The following HTT variants were observed in gnomAD, a reference collection of about 807,000 sequenced individuals.
HTT encodes huntingtin, also known as huntington disease protein.
A neutral mutation model predicts 362.3 loss-of-function variants in HTT; 104 were observed. The observed-to-expected ratio is 0.29, with a 90% CI of 0.24 to 0.34. The LOEUF (loss-of-function observed/expected upper bound fraction) is 0.34. Among genes scored for constraint, HTT ranks in the 10% least tolerant of loss-of-function variants. The pLI is 1.00. For missense variants in HTT, 3,301 were observed against 3,928.6 expected (o/e 0.84, Z 4.27); for synonymous variants, 1,577 against 1,548.7 (o/e 1.02, Z -0.43).
chr4:3,202,159 G>T (rs1056366026), intron 41 of HTT, among the ~76,000 whole-genome samples: 3 of 152,170 alleles, frequency 2.0e-5, no homozygotes, highest in African/African-American at 7.2e-5. Flanking sequence ...TTTGGCGCTT[G>T]TGGGTGTGTT....
intron 26 of HTT, among the ~76,000 whole-genome samples, chr4:3,152,046 G>C (rs1384184325): frequency 6.6e-6 from 1 of 151,322 alleles, no homozygotes; most frequent in Non-Finnish European, 1.5e-5. Context: ...TTCTGCCTCA[G>C]CCTTCTCAGT....
intron 1 of HTT, among the ~76,000 whole-genome samples, chr4:3,082,404 CAAG>C (rs1207387333): frequency 6.6e-6 from 1 of 152,136 alleles, no homozygotes; most frequent in African/African-American, 2.4e-5. Context: ...ATTCAGACAA[CAAG>C]GAGGAAAAAT....
intron 39 of HTT, 68 bp from the exon 40 acceptor site, chr4:3,188,883 T>C (rs1718889707): frequency 7.1e-7 from 1 of 1,401,270 alleles, no homozygotes; most frequent in Non-Finnish European, 1.0e-6. Context: ...TATCTTTTCA[T>C]GTATACTTGG....
chr4:3,235,240 T>C, intron 61 of HTT, 44 bp from the exon 62 acceptor site: 9 of 1,336,092 alleles, frequency 6.7e-6, no homozygotes, highest in Non-Finnish European at 9.7e-6. Flanking sequence ...CCTCTCCACG[T>C]TGGATGGGGG....
intron 21 of HTT, among the ~76,000 whole-genome samples, chr4:3,138,343 G>A (rs1716183031): frequency 1.3e-5 from 2 of 152,020 alleles, no homozygotes; most frequent in Admixed American, 6.6e-5. Flanking sequence ...CCTGTCACCC[G>A]AGTAGTGTAC....
intron 26 of HTT, among the ~76,000 whole-genome samples, chr4:3,153,498 A>G (rs1049277984): frequency 2.0e-5 from 3 of 152,120 alleles, no homozygotes; most frequent in African/African-American, 7.2e-5. Context: ...TGTGTTGTGT[A>G]TTGGAGATAG....
rs1445993030 is a variant in HTT at position 3,243,274 on chromosome 4, T to G, written c.*3215T>G. ...AGGCTTCTCTTGCTACCTGTGAGCATCCTTCCCAGCAGACATCCTCATCGG... is the reference window on the plus strand; with the variant it reads ...AGGCTTCTCTTGCTACCTGTGAGCAGCCTTCCCAGCAGACATCCTCATCGG... On this transcript the variant is annotated 3_prime_UTR_variant, in exon 67 of 67. Transcript: ENST00000355072. 6.6e-6 allele frequency: 1 copy of G among 152,616 alleles called. No homozygotes were observed. Among genetic ancestry groups the G allele is most frequent in the African/African-American group, 2.4e-5 (1 of 41,452 alleles). 9.5% of individuals were successfully genotyped at this position (152,616 alleles called of 1,614,324 possible).
In HTT at chr4:3,217,872, C is replaced by G; in HGVS notation, c.7162C>G (p.Leu2388Val). The G allele has an allele frequency of 1.2e-6, 2 of 1,614,166 alleles. No homozygotes were observed. The highest frequency in any genetic ancestry group is 1.7e-6 in the Non-Finnish European group (2 of 1,179,992). Residue 2388 changes from leucine (L) to valine (V), a missense_variant, in exon 52 of 67, where the codon CTC (leucine) becomes GTC (valine). Around this residue, in one of 4 missense-constraint regions of HTT, gnomAD observed 753 missense variants for 1,021.3 expected, o/e 0.74. Coordinates refer to ENST00000355072, the MANE Select transcript of HTT (RefSeq NM_001388492.1). ...HKRNSGVPAF[L>V]TPLLRNIIIS... ...AAGGAATAGCGGCGTGCCGGCGTTT[C>G]TCACGCCATTGCTAAGGAACATCAT...
chr4:3,169,576 A>AT (rs796658900), intron 29 of HTT, among the ~76,000 whole-genome samples: 1,759 of 144,762 alleles, frequency 0.012, 11 homozygotes, highest in African/African-American at 0.023. Context: ...TGTCCAGCGT[A>AT]TTTTTTTTTT....
chr4:3,111,559 C>G (rs1265670930), intron 6 of HTT, among the ~76,000 whole-genome samples: 1 of 152,156 alleles, frequency 6.6e-6, no homozygotes, highest in Non-Finnish European at 1.5e-5. Flanking sequence ...GGAAATTACT[C>G]ATTTTCCTGC....
intron 26 of HTT, 94 bp downstream of exon 26, chr4:3,148,301 C>A: frequency 1.0e-6 from 1 of 965,030 alleles, no homozygotes; most frequent in Non-Finnish European, 1.5e-6. Flanking sequence ...TCTTTATTCT[C>A]TTTTTGCTTT....
chr4:3,133,403 G>C (rs571440235), intron 18 of HTT, among the ~76,000 whole-genome samples: 6 of 151,988 alleles, frequency 3.9e-5, no homozygotes, highest in Admixed American at 2.0e-4. Context: ...TGAGGTGGAG[G>C]GGGGATTGCT....
intron 27 of HTT, among the ~76,000 whole-genome samples, chr4:3,156,255 G>C (rs577284398): frequency 6.6e-6 from 1 of 152,238 alleles, no homozygotes; most frequent in South Asian, 2.1e-4. Context: ...GAGTAGCTGG[G>C]ATTACAGGCA....
At chr4:3,188,048 A>G (rs1718848062) in intron 39 of HTT, 162 bp downstream of exon 39, 7 of 591,280 alleles carry the variant, frequency 1.2e-5, no homozygotes, top group Admixed American at 6.0e-5. Context: ...TGCATTATCT[A>G]TGGCTCTTGG....
chr4:3,191,294 C>T (rs1578575161), intron 40 of HTT, among the ~76,000 whole-genome samples: 1 of 152,066 alleles, frequency 6.6e-6, no homozygotes, highest in African/African-American at 2.4e-5. Flanking sequence ...CTGCCTCAGC[C>T]TCCCGAGTAG....
At chr4:3,105,075 C>G (rs906532826) in intron 4 of HTT, among the ~76,000 whole-genome samples, 1 of 152,110 alleles carries the variant, frequency 6.6e-6, no homozygotes, top group Admixed American at 6.6e-5. Flanking sequence ...TTCAGTAATT[C>G]ACAATGTTAG....
At chr4:3,096,151 A>G (rs1243488339) in intron 2 of HTT, among the ~76,000 whole-genome samples, 1 of 152,244 alleles carries the variant, frequency 6.6e-6, no homozygotes, top group African/African-American at 2.4e-5. Flanking sequence ...TTTCATAATG[A>G]TGAAGGGGAT....
chr4:3,192,293 G>A (rs754069297), intron 40 of HTT, among the ~76,000 whole-genome samples: 5 of 152,122 alleles, frequency 3.3e-5, no homozygotes, highest in Non-Finnish European at 7.4e-5. Context: ...GCCCAGGCGG[G>A]TCTTTAACTC....
intron 26 of HTT, among the ~76,000 whole-genome samples, chr4:3,148,987 A>G (rs1243883981): frequency 1.3e-5 from 2 of 152,234 alleles, no homozygotes; most frequent in Middle Eastern, 6.3e-3. Context: ...CATGTGTTTT[A>G]TAGCTCTTTT....
Sources: allele counts gnomAD v4.1 joint callset (sites outside exome capture counted in the v4.1 genomes callset), GRCh38; gene constraint gnomAD v4.1.1; regional missense constraint gnomAD v4.1.1; transcripts MANE v1.5; gene names NCBI Gene and HGNC (gene_info 2026-07-23, HGNC 2026-07-21).